The following CDH9 variants were observed in gnomAD, a reference collection of about 807,000 sequenced individuals.
The protein encoded by CDH9 is cadherin 9.
CDH9 carries 28 observed loss-of-function variants against 70.9 expected under a neutral mutation model. The observed-to-expected ratio is 0.40, with a 90% CI of 0.29 to 0.54. The LOEUF (loss-of-function observed/expected upper bound fraction) is 0.54. Among genes scored for constraint, CDH9 ranks in the 20% least tolerant of loss-of-function variants. The pLI, the probability that CDH9 is intolerant of heterozygous loss-of-function variation, is 0.59. For synonymous variants in CDH9, 409 were observed against 343.1 expected (o/e 1.19, Z -2.12); for missense variants, 874 against 984.4 (o/e 0.89, Z 1.50).
At chr5:26,897,336 T>C (rs1312051625) in intron 7 of CDH9, among the ~76,000 whole-genome samples, 1 of 152,152 alleles carries the variant, frequency 6.6e-6, no homozygotes, top group Non-Finnish European at 1.5e-5. Flanking sequence ...AGCATCTTTC[T>C]GATAACAAAA....
At chr5:26,961,434 T>C (rs1742033469) in intron 2 of CDH9, among the ~76,000 whole-genome samples, 1 of 152,116 alleles carries the variant, frequency 6.6e-6, no homozygotes, top group African/African-American at 2.4e-5. Flanking sequence ...TTTTAAAATA[T>C]ATACTATAGC....
intron 7 of CDH9, among the ~76,000 whole-genome samples, chr5:26,891,021 T>G (rs1484709365): frequency 6.6e-6 from 1 of 152,194 alleles, no homozygotes; most frequent in Non-Finnish European, 1.5e-5. Flanking sequence ...ACATCGCTCT[T>G]GAATGTTTTT....
chr5:26,955,594 C>G (rs113719365), intron 2 of CDH9, among the ~76,000 whole-genome samples: 4,667 of 151,966 alleles, frequency 0.031, 252 homozygotes, highest in African/African-American at 0.11. Context: ...CTCTCTCTCT[C>G]TCTCTCTCTC....
intron 1 of CDH9, among the ~76,000 whole-genome samples, chr5:26,999,950 C>T (rs1458462264): frequency 6.6e-6 from 1 of 151,862 alleles, no homozygotes; most frequent in Non-Finnish European, 1.5e-5. Context: ...TTAGAAAAAA[C>T]TCAAAATGCC....
intron 1 of CDH9, among the ~76,000 whole-genome samples, chr5:27,006,364 C>T (rs1742865625): frequency 6.6e-6 from 1 of 151,998 alleles, no homozygotes; most frequent in South Asian, 2.1e-4. Flanking sequence ...TACCTGGGCT[C>T]ACTAGTTCAT....
rs141394776 is a variant in CDH9 at position 26,954,384 on chromosome 5, C to CTTTTTTTTT, written c.228+33721_228+33722insAAAAAAAAA. Among the ~76,000 whole-genome samples the CTTTTTTTTT allele has an allele frequency of 2.2e-3, 40 of 18,356 alleles. 1 individual carries two copies. The highest frequency in any genetic ancestry group is 4.6e-3 in the African/African-American group (36 of 7,746). The allele number at this position is 18,356 out of a possible 152,430, so 12.0% of individuals were successfully genotyped here. A position where few individuals can be genotyped will look rare whatever the true frequency, so the allele number is the denominator to read the frequency against. On this transcript the variant is annotated intron_variant, in intron 2 of 11. Transcript: ENST00000231021. ...TTAAAGCTTTTCGCTATTATACAGC[C>CTTTTTTTTT]TTTCTTTTTTTTTTTTTTGAGACAT...
intron 1 of CDH9, among the ~76,000 whole-genome samples, chr5:26,995,888 T>C (rs1057139740): frequency 2.0e-5 from 3 of 152,086 alleles, no homozygotes; most frequent in African/African-American, 7.2e-5. Context: ...ATCAGGGAAC[T>C]CACTCAAATC....
intron 2 of CDH9, among the ~76,000 whole-genome samples, chr5:26,986,867 C>A (rs1229459740): frequency 6.6e-6 from 1 of 151,942 alleles, no homozygotes; most frequent in African/African-American, 2.4e-5. Flanking sequence ...AAAAAGGAAC[C>A]AGCAAGGGAA....
intron 3 of CDH9, among the ~76,000 whole-genome samples, chr5:26,911,172 C>T (rs1227355423): frequency 6.6e-6 from 1 of 152,120 alleles, no homozygotes; most frequent in Non-Finnish European, 1.5e-5. Context: ...ACATAGTTCT[C>T]AGCACCTGAC....
intron 2 of CDH9, among the ~76,000 whole-genome samples, chr5:26,943,240 G>A (rs567840096): frequency 2.6e-5 from 4 of 152,098 alleles, no homozygotes; most frequent in African/African-American, 9.7e-5. Flanking sequence ...GGTGGGGCGC[G>A]GTAGCTTATG....
chr5:26,963,968 A>C (rs938655005), intron 2 of CDH9, among the ~76,000 whole-genome samples: 12 of 152,290 alleles, frequency 7.9e-5, no homozygotes, highest in African/African-American at 2.9e-4. Context: ...GCTTTTACCA[A>C]ATTATATGTG....
At chr5:26,966,039 C>G (rs957333382) in intron 2 of CDH9, among the ~76,000 whole-genome samples, 1 of 152,130 alleles carries the variant, frequency 6.6e-6, no homozygotes, top group Non-Finnish European at 1.5e-5. Flanking sequence ...AACCTAAGCT[C>G]CCTTTCTGAA....
At chr5:26,885,936 T>A (rs771783165) in intron 10 of CDH9, 30 bp downstream of exon 10, 1 of 1,588,162 alleles carries the variant, frequency 6.3e-7, no homozygotes, top group South Asian at 1.2e-5. Flanking sequence ...TAAAGTTTCA[T>A]AATTTTTAGT....
intron 1 of CDH9, among the ~76,000 whole-genome samples, chr5:27,017,514 T>G (rs1336517076): frequency 6.6e-6 from 1 of 152,000 alleles, no homozygotes; most frequent in Admixed American, 6.6e-5. Flanking sequence ...TGCCCCACAT[T>G]TAAGTAGGTG....
chr5:26,959,117 T>A (rs1482885731), intron 2 of CDH9, among the ~76,000 whole-genome samples: 1 of 152,086 alleles, frequency 6.6e-6, no homozygotes, highest in Non-Finnish European at 1.5e-5. Flanking sequence ...CTTACAAGTG[T>A]TTAGGATTCA....
At chr5:26,921,621 C>T (rs1027092170) in intron 2 of CDH9, among the ~76,000 whole-genome samples, 2 of 152,142 alleles carry the variant, frequency 1.3e-5, no homozygotes, top group Admixed American at 1.3e-4. Flanking sequence ...ACTCTCGGGG[C>T]TGTTGCTGAT....
At chr5:26,996,665 A>G (rs1742670842) in intron 1 of CDH9, among the ~76,000 whole-genome samples, 1 of 151,860 alleles carries the variant, frequency 6.6e-6, no homozygotes. Context: ...TTATTATATA[A>G]CCATATATGT....
At chr5:26,992,145 T>C (rs1476951890) in intron 1 of CDH9, among the ~76,000 whole-genome samples, 2 of 152,164 alleles carry the variant, frequency 1.3e-5, no homozygotes, top group Admixed American at 6.5e-5. Context: ...CCAGTGGGAA[T>C]TGAATGCTGC....
At chr5:26,962,176 T>C (rs1427164385) in intron 2 of CDH9, among the ~76,000 whole-genome samples, 1 of 152,178 alleles carries the variant, frequency 6.6e-6, no homozygotes, top group Non-Finnish European at 1.5e-5. Flanking sequence ...TATGGCTTCA[T>C]AGTATTCCAT....
Sources: allele counts gnomAD v4.1 joint callset (sites outside exome capture counted in the v4.1 genomes callset), GRCh38; gene constraint gnomAD v4.1.1; transcripts MANE v1.5; gene names NCBI Gene and HGNC (gene_info 2026-07-23, HGNC 2026-07-21).